The following NTM variants were observed in gnomAD, a reference collection of about 807,000 sequenced individuals.
NTM encodes the protein neurotrimin, also known as IgLON family member 2.
A neutral mutation model predicts 42.1 loss-of-function variants in NTM; 13 were observed. The ratio of observed to expected loss-of-function variants is 0.31; its 90% confidence interval spans 0.20 to 0.49. The LOEUF is 0.49. Among genes scored for constraint, NTM ranks in the 20% least tolerant of loss-of-function variants. The pLI is 0.99. For missense variants in NTM, 373 were observed against 452.8 expected (o/e 0.82, Z 1.60); for synonymous variants, 187 against 179.2 (o/e 1.04, Z -0.35).
chr11:131,693,602 C>A (rs1322470044), intron 1 of NTM, among the ~76,000 whole-genome samples: 1 of 152,102 alleles, frequency 6.6e-6, no homozygotes, highest in East Asian at 1.9e-4. Flanking sequence ...CAGCACCAGC[C>A]CCATCTGTTG....
intron 1 of NTM, among the ~76,000 whole-genome samples, chr11:131,678,392 C>T (rs2071808271): frequency 6.6e-6 from 1 of 152,248 alleles, no homozygotes; most frequent in South Asian, 2.1e-4. Context: ...GCTTTCTGCT[C>T]TCTGGTATTT....
intron 1 of NTM, among the ~76,000 whole-genome samples, chr11:131,807,700 G>T (rs1016607438): frequency 6.6e-6 from 1 of 152,112 alleles, no homozygotes; most frequent in Non-Finnish European, 1.5e-5. Flanking sequence ...CACCAGAGCT[G>T]GCACCCACCA....
At chr11:131,485,511 C>T (rs1381933877) in intron 1 of NTM, among the ~76,000 whole-genome samples, 1 of 152,160 alleles carries the variant, frequency 6.6e-6, no homozygotes, top group African/African-American at 2.4e-5. Context: ...AGTGCAATGT[C>T]CCAGAGCCCC....
At chr11:131,618,117 A>T (rs1224908104) in intron 1 of NTM, among the ~76,000 whole-genome samples, 1 of 152,130 alleles carries the variant, frequency 6.6e-6, no homozygotes, top group East Asian at 1.9e-4. Flanking sequence ...CTTTTCCAGT[A>T]AGGGAGACCT....
intron 4 of NTM, among the ~76,000 whole-genome samples, chr11:132,292,759 A>G (rs56759018): frequency 4.7e-5 from 7 of 149,296 alleles, no homozygotes; most frequent in African/African-American, 1.7e-4. Context: ...GTTATAAAAT[A>G]TAAATTTTAT....
At chr11:131,625,297 T>A (rs1188360966) in intron 1 of NTM, among the ~76,000 whole-genome samples, 1 of 152,200 alleles carries the variant, frequency 6.6e-6, no homozygotes, top group Non-Finnish European at 1.5e-5. Flanking sequence ...CCCCCCATGA[T>A]GGTCTTTATG....
chr11:131,964,723 G>A (rs2062616010), intron 2 of NTM, among the ~76,000 whole-genome samples: 2 of 152,160 alleles, frequency 1.3e-5, no homozygotes, highest in Non-Finnish European at 2.9e-5. Context: ...AGTAGCCTGG[G>A]TGAGGCTCCC....
chr11:132,063,307 A>T (rs1479724736), intron 2 of NTM, among the ~76,000 whole-genome samples: 2 of 152,182 alleles, frequency 1.3e-5, no homozygotes, highest in African/African-American at 4.8e-5. Flanking sequence ...CATTTAGCCT[A>T]TGGCAGTAGG....
At chr11:131,760,778 G>T (rs2084040144) in intron 1 of NTM, among the ~76,000 whole-genome samples, 1 of 152,126 alleles carries the variant, frequency 6.6e-6, no homozygotes. Context: ...AGGAAGGGTC[G>T]CCGGGGTGAC....
At chr11:132,264,004 G>A (rs578079768) in intron 4 of NTM, among the ~76,000 whole-genome samples, 48 of 152,300 alleles carry the variant, frequency 3.2e-4, no homozygotes, top group African/African-American at 1.1e-3. Context: ...GCCTTTAGTA[G>A]TAGACAGGAT....
intron 1 of NTM, among the ~76,000 whole-genome samples, chr11:131,621,396 G>C (rs933599763): frequency 6.6e-6 from 1 of 152,076 alleles, no homozygotes; most frequent in Non-Finnish European, 1.5e-5. Flanking sequence ...GGGCATCTCC[G>C]GAGAAAGCTT....
At chr11:131,889,231 T>C (rs1428956125) in intron 1 of NTM, among the ~76,000 whole-genome samples, 2 of 152,110 alleles carry the variant, frequency 1.3e-5, no homozygotes, top group African/African-American at 4.8e-5. Context: ...TAAACACAGG[T>C]TTCCATGCAA....
intron 3 of NTM, among the ~76,000 whole-genome samples, chr11:132,202,016 T>G (rs61906023): frequency 0.011 from 1,639 of 152,348 alleles, 18 homozygotes; most frequent in South Asian, 0.025. Context: ...TTTCCTCTGT[T>G]TTTACTTCTG....
intron 2 of NTM, among the ~76,000 whole-genome samples, chr11:132,086,223 C>T (rs1466160970): frequency 6.6e-6 from 1 of 150,490 alleles, no homozygotes; most frequent in Admixed American, 6.7e-5. Flanking sequence ...ACTTGGGAGG[C>T]TGAGGCAGGA....
At chr11:131,389,024 A>AAAAGAAAAGAAAAGAAAAGAAAAGAAAAG in intron 1 of NTM, among the ~76,000 whole-genome samples, 1 of 89,912 alleles carries the variant, frequency 1.1e-5, no homozygotes, top group African/African-American at 4.6e-5. Context: ...AAAAAAAAAA[A>AAAAGAAAAGAAAAGAAAAGAAAAGAAAAG]AAAAGAAAAG....
intron 3 of NTM, among the ~76,000 whole-genome samples, chr11:132,176,782 G>A (rs969593166): frequency 2.3e-5 from 3 of 132,882 alleles, no homozygotes; most frequent in African/African-American, 8.4e-5. Context: ...AGTCTGGAGT[G>A]CAGTGGCACA....
intron 2 of NTM, among the ~76,000 whole-genome samples, chr11:131,968,209 A>G (rs757787674): frequency 2.6e-5 from 4 of 152,190 alleles, no homozygotes; most frequent in Non-Finnish European, 5.9e-5. Context: ...CAAAAAACTA[A>G]GACGTAAGCA....
intron 1 of NTM, among the ~76,000 whole-genome samples, chr11:131,532,324 G>A (rs1027995608): frequency 2.6e-5 from 4 of 152,044 alleles, no homozygotes; most frequent in African/African-American, 7.2e-5. Flanking sequence ...TCATTCATTC[G>A]TCATTTTTAG....
rs558289091 is a variant in NTM at position 132,314,040 on chromosome 11, ACAATG to A, written c.783-505_783-501del. On this transcript the variant is annotated intron_variant, in intron 6 of 8. Coordinates refer to ENST00000683400, the MANE Select transcript of NTM (RefSeq NM_001352005.2). ...AGCCAAAAAATTAAGTATTATCTAT[ACAATG>A]CAATGCTTCTGGTGCTTCAGGAGAA... is the stretch of plus-strand genomic sequence containing the variant. 2.3e-3 allele frequency among the ~76,000 whole-genome samples: 348 copies of A among 152,096 alleles called. 2 individuals are homozygous for A. The highest frequency in any genetic ancestry group is 8.0e-3 in the African/African-American group (333 of 41,556).
Sources: gnomAD v4.1 joint callset for allele counts (sites outside exome capture counted in the v4.1 genomes callset) on GRCh38, gnomAD v4.1.1 for gene constraint, MANE v1.5 for transcripts, NCBI Gene and HGNC (gene_info 2026-07-23, HGNC 2026-07-21) for gene names.